VNN2: variants seen among roughly 807,000 people sequenced by gnomAD.
VNN2 encodes pantetheine hydrolase VNN2.
Under a neutral mutation model 43.0 loss-of-function variants are expected in VNN2, and 43 were observed. That is an observed-to-expected ratio of 1.00 (90% CI 0.78 to 1.29). The LOEUF (loss-of-function observed/expected upper bound fraction) is 1.29, where lower values mean the gene tolerates loss of function less well. Ranked by LOEUF, VNN2 falls within the 50% of genes most tolerant of loss-of-function variation. VNN2 has a pLI of 0.00. For missense variants in VNN2, 652 were observed against 619.7 expected, an observed-to-expected ratio of 1.05 and a Z score of -0.55; for synonymous variants, 230 against 224.3, an observed-to-expected ratio of 1.03 and a Z score of -0.23.
chr6:132,752,756 C>A lies in VNN2; in HGVS notation c.538-7G>T. The A allele has an allele frequency of 6.2e-7, 1 of 1,607,564 alleles. No homozygotes were observed. Among genetic ancestry groups the A allele is most frequent in the Non-Finnish European group, 8.5e-7 (1 of 1,177,020 alleles). On this transcript the variant is annotated splice_polypyrimidine_tract_variant and splice_region_variant and intron_variant, in intron 3 of 6. Coordinates refer to ENST00000326499, the MANE Select transcript of VNN2 (RefSeq NM_004665.6). ...GCTCAGAGTACAGGTGGTACTACAA[C>A]AAATGGATAGGAGAAAACCAGTAAA...
In VNN2 at chr6:132,751,326, A is replaced by C. The variant is rs764856998; in HGVS notation, c.1019T>G (p.Phe340Cys). 1 of 1,614,136 alleles carries C rather than the reference A, an allele frequency of 6.2e-7. No individual in the cohort carries two copies. Among genetic ancestry groups the C allele is most frequent in the Non-Finnish European group, 8.5e-7 (1 of 1,180,020 alleles). The change falls in exon 5 of 7, where the codon TTT becomes TGT. Residue 340 changes from phenylalanine (F) to cysteine (C), a missense_variant. By Grantham distance (205) the Phe-to-Cys change is radical (BLOSUM62 -2). Coordinates refer to ENST00000326499, the MANE Select transcript of VNN2 (RefSeq NM_004665.6). The stretch of plus-strand genomic sequence containing the variant: ...GAAGTTGAACCCATCCCTGGAAATA[A>C]ATCCCCTGAAAGTGTTTTTCTGTAC... Reference protein sequence around the residue: ...FPVQKNTFRGFISRDGFNFTE... With the variant: ...FPVQKNTFRGCISRDGFNFTE...
rs774240891 is a variant in VNN2, at chr6:132,751,360, G to A, written c.985C>T (p.Pro329Ser). ...AAAGTGTTTTTCTGTACTGGAAATG[G>A]TTTGATGGTGGTGGCGTAGGCATTC... ...NWNAYATTIK[P>S]FPVQKNTFRG... The change falls in exon 5 of 7, where the codon CCA becomes TCA. Residue 329 changes from proline (P) to serine (S), a missense_variant. By Grantham distance (74) the Pro-to-Ser change is moderately conservative. Transcript: ENST00000326499. 6 of 1,614,166 alleles carry A rather than the reference G, an allele frequency of 3.7e-6. No homozygotes were observed. The South Asian group carries it at 6.6e-5, about 18-fold the overall frequency.
Position 132,757,842 on chromosome 6 carries a change from G to A in VNN2, c.42C>T (p.Ala14=). The A allele has an allele frequency of 6.2e-7, 1 of 1,613,770 alleles. No individual in the cohort carries two copies. Among genetic ancestry groups the A allele is most frequent in the South Asian group, 1.1e-5 (1 of 91,062 alleles). ...SSFPISVAVF[A]LITLQVGTQD... is the part of the protein sequence containing the mutation. ...GAGTACCAACCTGCAGGGTTATTAG[G>A]GCAAAAACTGCCACAGAGATTGGAA... The change falls in exon 1 of 7, where the codon GCC becomes GCT. Residue 14 remains alanine (A), a synonymous_variant. Transcript: ENST00000326499.
At chr6:132,758,027 CTTCTTCTTCTTCTTT>C (rs1780604514), upstream of VNN2, 6 of 71,982 alleles carry the variant, frequency 8.3e-5, no homozygotes, top group Admixed American at 4.5e-4. Context: ...TCTTCTTCTT[CTTCTTCTTCTTCTTT>C]TTTTTTTTTT....
At chr6:132,750,513 A>ATATT (rs201643856) in intron 5 of VNN2, among the ~76,000 whole-genome samples, 20 of 78,556 alleles carry the variant, frequency 2.5e-4, no homozygotes, top group South Asian at 1.5e-3. Context: ...ATATATATAT[A>ATATT]TTTTTCCAGG....
At position 132,755,835 on chromosome 6, in the gene VNN2, T is replaced by C; in HGVS notation, c.537+8A>G. On this transcript the variant is annotated splice_region_variant and intron_variant, in intron 3 of 6. Coordinates refer to ENST00000326499, the MANE Select transcript of VNN2 (RefSeq NM_004665.6). ...GCTCCATTTTACACGTCCGTCACTC[T>C]CTCTTACCTTATGGTAACGTGCCAC... is the stretch of plus-strand genomic sequence containing the variant. The C allele has an allele frequency of 6.2e-7, 1 of 1,604,082 alleles. No homozygotes were observed. Among genetic ancestry groups the C allele is most frequent in the Non-Finnish European group, 8.5e-7 (1 of 1,174,354 alleles).
In VNN2 at chr6:132,749,645, G is replaced by T; in HGVS notation, c.1371+50C>A. On this transcript the variant is annotated intron_variant, in intron 6 of 6. Coordinates refer to ENST00000326499, the MANE Select transcript of VNN2 (RefSeq NM_004665.6). Reference sequence around the variant, plus strand: ...AGAGTGGCTATAGCTTGTTTTACTTGACTTCAGAGAACATATAAAATGAAA... The same window carrying T: ...AGAGTGGCTATAGCTTGTTTTACTTTACTTCAGAGAACATATAAAATGAAA... The T allele has an allele frequency of 2.0e-6, 3 of 1,520,314 alleles. No individual in the cohort carries two copies. In the South Asian group the frequency reaches 3.7e-5, roughly 19 times the overall value. 94.2% of individuals were successfully genotyped at this position (1,520,314 alleles called of 1,614,324 possible).
intron 3 of VNN2, chr6:132,753,016 C>A (rs1294267858): frequency 1.1e-5 from 4 of 375,558 alleles, no homozygotes; most frequent in Non-Finnish European, 1.9e-5. Flanking sequence ...CCCCCATAAA[C>A]CCCAAAGTCC....
Position 132,751,435 on chromosome 6 carries a change from C to T in VNN2, c.910G>A (p.Val304Met), listed in dbSNP as rs772469668. 1.7e-5 allele frequency: 27 copies of T among 1,614,140 alleles called. No individual in the cohort carries two copies. The highest frequency in any genetic ancestry group is 2.0e-5 in the Non-Finnish European group (24 of 1,180,022). Residue 304 changes from valine (V) to methionine (M), a missense_variant, in exon 5 of 7, where the codon GTG becomes ATG. Coordinates refer to ENST00000326499, the MANE Select transcript of VNN2 (RefSeq NM_004665.6). Reference sequence around the variant, plus strand: ...AGCGAGGATAGGGGATGTGAATCCACCTCTGAAAGGAGAAGTTTTCCCAAC... The same window carrying T: ...AGCGAGGATAGGGGATGTGAATCCATCTCTGAAAGGAGAAGTTTTCCCAAC... ...TELGKLLLSE[V>M]DSHPLSSLAY...
chr6:132,750,800 T>C (rs1299105503), intron 5 of VNN2, among the ~76,000 whole-genome samples: 1 of 152,160 alleles, frequency 6.6e-6, no homozygotes, highest in Admixed American at 6.5e-5. Context: ...AGACTGTTTA[T>C]AATTTAGATA....
intron 2 of VNN2, among the ~76,000 whole-genome samples, chr6:132,756,510 C>T (rs1300099660): frequency 6.6e-6 from 1 of 152,162 alleles, no homozygotes; most frequent in Non-Finnish European, 1.5e-5. Context: ...CAAACTCTTA[C>T]TAATGCCAGC....
In VNN2 at chr6:132,757,482, A is replaced by G; in HGVS notation, c.278T>C (p.Val93Ala). 6.2e-7 allele frequency: 1 copy of G among 1,613,906 alleles called. No homozygotes were observed. The highest frequency in any genetic ancestry group is 8.5e-7 in the Non-Finnish European group (1 of 1,179,844). ...LYGWKFTRETVFPYLEDIPDP... is the reference protein window; with the variant it reads ...LYGWKFTRETAFPYLEDIPDP... ...TGGGATATCCTCCAGATAAGGGAAA[A>G]CAGTTTCCCTGGTAAATTTCCATCC... Residue 93 changes from valine (V) to alanine (A), a missense_variant, in exon 2 of 7, where the codon GTT (valine) becomes GCT (alanine). Physicochemically the swap from Val to Ala is moderately conservative, Grantham distance 64. Coordinates refer to ENST00000326499, the MANE Select transcript of VNN2 (RefSeq NM_004665.6).
At chr6:132,751,838 C>A (rs1780125266) in intron 4 of VNN2, among the ~76,000 whole-genome samples, 2 of 152,190 alleles carry the variant, frequency 1.3e-5, no homozygotes, top group African/African-American at 4.8e-5. Flanking sequence ...AATAAAAATT[C>A]TCCCCTATTC....
intron 3 of VNN2, chr6:132,753,984 T>G (rs1780300578): frequency 7.0e-6 from 1 of 143,554 alleles, no homozygotes; most frequent in African/African-American, 2.7e-5. Context: ...AAAAAGGAAT[T>G]GATCGACAAA....
Position 132,752,682 on chromosome 6 carries a change from G to A in VNN2, c.605C>T (p.Ala202Val). Residue 202 changes from alanine to valine, a missense_variant, in exon 4 of 7, where the codon GCA becomes GTA. Coordinates refer to ENST00000326499, the MANE Select transcript of VNN2 (RefSeq NM_004665.6). ...EKPELVTFNT[A>V]FGRFGIFTCF... ...CGTGAAAATGCCAAACCTTCCAAATGCGGTGTTGAAAGTCACCAACTCCGG... is the reference window on the plus strand; with the variant it reads ...CGTGAAAATGCCAAACCTTCCAAATACGGTGTTGAAAGTCACCAACTCCGG... 2 of 1,614,138 alleles carry A rather than the reference G, an allele frequency of 1.2e-6. No individual in the cohort carries two copies. Among genetic ancestry groups the A allele is most frequent in the Non-Finnish European group, 8.5e-7 (1 of 1,180,010 alleles).
chr6:132,758,371 T>G (rs747546631), upstream of VNN2, among the ~76,000 whole-genome samples: 5 of 152,056 alleles, frequency 3.3e-5, no homozygotes, highest in Non-Finnish European at 5.9e-5. Context: ...ACGCAATATA[T>G]CTGACCACTT....
intron 2 of VNN2, 98 bp downstream of exon 2, chr6:132,757,318 C>T: frequency 7.1e-7 from 1 of 1,400,574 alleles, no homozygotes; most frequent in Non-Finnish European, 9.6e-7. Flanking sequence ...ATAACATATA[C>T]CACATATATG....
In VNN2 at chr6:132,756,021, G is replaced by A; in HGVS notation, c.359C>T (p.Pro120Leu). The A allele has an allele frequency of 6.2e-7, 1 of 1,603,924 alleles. No individual in the cohort carries two copies. The highest frequency in any genetic ancestry group is 8.5e-7 in the Non-Finnish European group (1 of 1,176,552). ...CAGGCAGCTGAGTCTTGCTTGTACT[G>A]GTGTGTGACCAAATCTAAACCAAAT... ...CQDPHRFGHTPVQARLSCLAK... is the reference protein window; with the variant it reads ...CQDPHRFGHTLVQARLSCLAK... Residue 120 changes from proline (P) to leucine (L), a missense_variant, in exon 3 of 7, where the codon CCA becomes CTA. Pro to Leu is a moderately conservative substitution (Grantham distance 98). Transcript: ENST00000326499.
rs975405728 is a variant in VNN2 at position 132,744,212 on chromosome 6, C to T, written c.*88G>A. ...TCACTGGTCTATACTACTGAAATAGCCCTTCAAAGTTTCTTAGTAAACTTG... is the reference window on the plus strand; with the variant it reads ...TCACTGGTCTATACTACTGAAATAGTCCTTCAAAGTTTCTTAGTAAACTTG... On this transcript the variant is annotated 3_prime_UTR_variant, in exon 7 of 7. Coordinates refer to ENST00000326499, the MANE Select transcript of VNN2 (RefSeq NM_004665.6). 66 of 1,212,950 alleles carry T rather than the reference C, an allele frequency of 5.4e-5. 1 individual carries two copies. The Middle Eastern group carries it at 1.9e-3, about 35-fold the overall frequency. 75.1% of individuals were successfully genotyped at this position (1,212,950 alleles called of 1,614,324 possible). A position where few individuals can be genotyped will look rare whatever the true frequency, so the allele number is the denominator to read the frequency against.
Sources: allele counts gnomAD v4.1 joint callset (sites outside exome capture counted in the v4.1 genomes callset), GRCh38; gene constraint gnomAD v4.1.1; transcripts MANE v1.5; gene names NCBI Gene and HGNC (gene_info 2026-07-23, HGNC 2026-07-21).